ZZZ3: variants seen among roughly 807,000 people sequenced by gnomAD.
ZZZ3 encodes ZZ-type zinc finger-containing protein 3.
Under a neutral mutation model 95.2 loss-of-function variants are expected in ZZZ3, and 22 were observed. The ratio of observed to expected loss-of-function variants is 0.23; its 90% CI spans 0.17 to 0.33. The LOEUF (loss-of-function observed/expected upper bound fraction) is 0.33. Among genes scored for constraint, ZZZ3 ranks in the 10% least tolerant of loss-of-function variants. The pLI is 1.00. For synonymous variants in ZZZ3, 335 were observed against 358.9 expected, an observed-to-expected ratio of 0.93 and a Z score of 0.75; for missense variants, 885 against 1,066.5, an observed-to-expected ratio of 0.83 and a Z score of 2.37.
chr1:77,583,078 G>T (rs377431297), intron 6 of ZZZ3, among the ~76,000 whole-genome samples: 19 of 151,918 alleles, frequency 1.3e-4, no homozygotes, highest in African/African-American at 4.6e-4. Flanking sequence ...CTGCACTCCA[G>T]CCTGGGTGAC....
At chr1:77,658,879 AC>A (rs1205217931) in intron 1 of ZZZ3, among the ~76,000 whole-genome samples, 1 of 152,226 alleles carries the variant, frequency 6.6e-6, no homozygotes, top group East Asian at 1.9e-4. Context: ...CTTGAAGGAC[AC>A]TGTCAGGTGG....
At chr1:77,628,896 G>A (rs761438942) in intron 5 of ZZZ3, among the ~76,000 whole-genome samples, 3 of 152,188 alleles carry the variant, frequency 2.0e-5, no homozygotes, top group African/African-American at 7.2e-5. Flanking sequence ...CCTGGAGAAC[G>A]TTTCTAGCAC....
chr1:77,612,845 C>G (rs1023731348), intron 5 of ZZZ3, among the ~76,000 whole-genome samples: 10 of 151,676 alleles, frequency 6.6e-5, no homozygotes, highest in Admixed American at 1.3e-4. Flanking sequence ...TTGTAGATAC[C>G]TAGGATGATC....
At chr1:77,575,075 T>C (rs1166563326) in intron 12 of ZZZ3, among the ~76,000 whole-genome samples, 2 of 152,084 alleles carry the variant, frequency 1.3e-5, no homozygotes, top group Non-Finnish European at 2.9e-5. Context: ...TCTCAGCTAC[T>C]CAGGTGCCTG....
chr1:77,570,278 T>C (rs1414170013), intron 12 of ZZZ3, among the ~76,000 whole-genome samples: 1 of 152,182 alleles, frequency 6.6e-6, no homozygotes, highest in Non-Finnish European at 1.5e-5. Flanking sequence ...AATTTTTTTG[T>C]ATTTTTAGTA....
intron 5 of ZZZ3, among the ~76,000 whole-genome samples, chr1:77,614,677 A>T (rs11162369): frequency 0.7 from 105,749 of 152,030 alleles, 37,353 homozygotes; most frequent in Admixed American, 0.76. Context: ...TTAATAAGTT[A>T]AATATACTGT....
intron 5 of ZZZ3, among the ~76,000 whole-genome samples, chr1:77,628,022 C>T (rs1667476372): frequency 6.6e-6 from 1 of 152,194 alleles, no homozygotes; most frequent in African/African-American, 2.4e-5. Flanking sequence ...GGAAGAAACG[C>T]TCTGAACATT....
chr1:77,597,053 C>G (rs1664281554), intron 5 of ZZZ3, among the ~76,000 whole-genome samples: 1 of 152,034 alleles, frequency 6.6e-6, no homozygotes, highest in African/African-American at 2.4e-5. Context: ...GTTCCCTGGA[C>G]AGATGGCCGA....
chr1:77,682,166 C>T (rs979876410), intron 1 of ZZZ3, among the ~76,000 whole-genome samples: 1 of 151,972 alleles, frequency 6.6e-6, no homozygotes, highest in Admixed American at 6.6e-5. Flanking sequence ...TAAATGACAC[C>T]CAGAGAAAAT....
Position 77,632,612 on chromosome 1 carries a change from T to G in ZZZ3, c.743A>C (p.Gln248Pro), listed in dbSNP as rs768496764. ...CCTACTATCAAGGAACATTGAAGTT[T>G]GGGTATCCGTATCCCCATTTTCAGC... ...SVAENGDTDT[Q>P]TSMFLDSRKE... is the part of the protein sequence containing the mutation. The change falls in exon 5 of 15, where the codon CAA becomes CCA. Residue 248 changes from glutamine (Q) to proline (P), a missense_variant. Physicochemically the swap from Gln to Pro is moderately conservative, Grantham distance 76 (BLOSUM62 -1). Coordinates refer to ENST00000370801, the MANE Select transcript of ZZZ3 (RefSeq NM_015534.6). 4.3e-6 allele frequency: 7 copies of G among 1,614,218 alleles called. No individual in the cohort carries two copies. Among genetic ancestry groups the G allele is most frequent in the Non-Finnish European group, 5.9e-6 (7 of 1,180,032 alleles).
chr1:77,642,456 T>C (rs1013341000), intron 1 of ZZZ3, among the ~76,000 whole-genome samples: 20 of 152,014 alleles, frequency 1.3e-4, no homozygotes, highest in African/African-American at 4.8e-4. Flanking sequence ...AAAATACAGA[T>C]AACCTAGCAA....
intron 1 of ZZZ3, among the ~76,000 whole-genome samples, chr1:77,663,659 T>C (rs1319742080): frequency 2.0e-5 from 3 of 152,228 alleles, no homozygotes; most frequent in Non-Finnish European, 2.9e-5. Flanking sequence ...AGCCTGGTAC[T>C]TCATTTGTTT....
chr1:77,630,776 C>T (rs1323260738), intron 5 of ZZZ3, among the ~76,000 whole-genome samples: 1 of 152,116 alleles, frequency 6.6e-6, no homozygotes, highest in Non-Finnish European at 1.5e-5. Flanking sequence ...TACAAATCTA[C>T]ACTATCTACA....
chr1:77,666,132 T>C (rs1220539806), intron 1 of ZZZ3, among the ~76,000 whole-genome samples: 1 of 152,270 alleles, frequency 6.6e-6, no homozygotes, highest in Non-Finnish European at 1.5e-5. Flanking sequence ...ATCAAACGTA[T>C]ATACGGAATG....
Position 77,563,079 on chromosome 1 carries a change from C to A in ZZZ3, c.*2561G>T, listed in dbSNP as rs1267994249. The A allele has an allele frequency of 3.3e-5, 5 of 152,256 alleles. No individual in the cohort carries two copies. The East Asian group carries it at 7.7e-4, about 23-fold the overall frequency. The allele number at this position is 152,256 out of a possible 1,614,324, so 9.4% of individuals were successfully genotyped here. On this transcript the variant is annotated 3_prime_UTR_variant, in exon 15 of 15. Coordinates refer to ENST00000370801, the MANE Select transcript of ZZZ3 (RefSeq NM_015534.6). ...ATAGTAAACACTGTATCAGTGTTTT[C>A]TATTATTATGCATCACACAAAAGGA...
At chr1:77,586,979 T>G (rs1251021178) in intron 5 of ZZZ3, among the ~76,000 whole-genome samples, 1 of 152,212 alleles carries the variant, frequency 6.6e-6, no homozygotes, top group Admixed American at 6.5e-5. Context: ...AAGGCAAGAT[T>G]CAATTTTTCA....
intron 1 of ZZZ3, among the ~76,000 whole-genome samples, chr1:77,642,121 A>G (rs1334842367): frequency 6.6e-6 from 1 of 152,220 alleles, no homozygotes; most frequent in African/African-American, 2.4e-5. Flanking sequence ...TTTCTTAAGT[A>G]ATTTTGGAAG....
chr1:77,658,178 C>CAAAAAAAAAA (rs1186224710), intron 1 of ZZZ3, among the ~76,000 whole-genome samples: 3 of 76,310 alleles, frequency 3.9e-5, no homozygotes, highest in Admixed American at 1.7e-4. Context: ...GACTTTGTCT[C>CAAAAAAAAAA]AAAAAAAAAA....
chr1:77,628,910 G>A (rs1015901175), intron 5 of ZZZ3, among the ~76,000 whole-genome samples: 25 of 152,210 alleles, frequency 1.6e-4, no homozygotes, highest in Admixed American at 4.6e-4. Context: ...CTAGCACAGG[G>A]AGAATAAGGA....
Sources: gnomAD v4.1 joint callset for allele counts (sites outside exome capture counted in the v4.1 genomes callset) on GRCh38, gnomAD v4.1.1 for gene constraint, MANE v1.5 for transcripts, NCBI Gene and HGNC (gene_info 2026-07-23, HGNC 2026-07-21) for gene names.